EXOC4: variants seen among roughly 807,000 people sequenced by gnomAD.
EXOC4 encodes the protein exocyst complex component 4, also known as SEC8-like 1.
A neutral mutation model predicts 107.2 loss-of-function variants in EXOC4; 71 were observed. The ratio of observed to expected loss-of-function variants is 0.66; its 90% CI spans 0.55 to 0.81. The LOEUF is 0.81. Among genes scored for constraint, EXOC4 ranks in the 30% least tolerant of loss-of-function variants. The probability of loss-of-function intolerance (pLI) is 0.00; values close to 1 mark genes in which losing one functional copy is unlikely to be tolerated. For synonymous variants in EXOC4, 456 were observed against 441.2 expected (o/e 1.03, Z -0.42); for missense variants, 1,108 against 1,189.6 (o/e 0.93, Z 1.01).
intron 9 of EXOC4, chr7:133,480,573 A>T (rs1271629875): frequency 2.5e-6 from 1 of 393,532 alleles, no homozygotes; most frequent in Non-Finnish European, 3.7e-6. Flanking sequence ...GATGCCTCTA[A>T]ATAGTATGTT....
chr7:133,568,817 A>G (rs1302292681), intron 9 of EXOC4, among the ~76,000 whole-genome samples: 1 of 152,174 alleles, frequency 6.6e-6, no homozygotes, highest in Non-Finnish European at 1.5e-5. Flanking sequence ...AAATATTTAT[A>G]CCACACTCAT....
At chr7:133,456,272 A>G (rs1335842060) in intron 7 of EXOC4, among the ~76,000 whole-genome samples, 1 of 152,218 alleles carries the variant, frequency 6.6e-6, no homozygotes, top group African/African-American at 2.4e-5. Flanking sequence ...AGAGGTCACC[A>G]TGTGGCTGGA....
intron 3 of EXOC4, among the ~76,000 whole-genome samples, chr7:133,304,412 G>C (rs548593713): frequency 1.2e-4 from 18 of 152,330 alleles, no homozygotes; most frequent in African/African-American, 3.1e-4. Flanking sequence ...GCAAGTCAGC[G>C]TGAAAATGAA....
chr7:133,908,616 G>A (rs1017141324), intron 12 of EXOC4, among the ~76,000 whole-genome samples: 3 of 152,146 alleles, frequency 2.0e-5, no homozygotes, highest in Non-Finnish European at 4.4e-5. Context: ...CCTATCAAAT[G>A]GAAGTAATAA....
At chr7:133,730,034 G>T (rs1795293581) in intron 10 of EXOC4, among the ~76,000 whole-genome samples, 1 of 151,148 alleles carries the variant, frequency 6.6e-6, no homozygotes, top group Non-Finnish European at 1.5e-5. Context: ...TACTTTTCTT[G>T]GATTTAGGTG....
chr7:133,970,761 G>A (rs1479394845), intron 14 of EXOC4, among the ~76,000 whole-genome samples: 5 of 152,066 alleles, frequency 3.3e-5, no homozygotes, highest in Non-Finnish European at 4.4e-5. Flanking sequence ...GATCTCGCTG[G>A]GAGCTACCAA....
At chr7:133,633,534 CA>C (rs1244628154) in intron 10 of EXOC4, among the ~76,000 whole-genome samples, 1 of 152,102 alleles carries the variant, frequency 6.6e-6, no homozygotes, top group Non-Finnish European at 1.5e-5. Flanking sequence ...GCCTGGCCGA[CA>C]TGGTGAAACC....
At chr7:133,962,693 C>G (rs1308580142) in intron 14 of EXOC4, among the ~76,000 whole-genome samples, 2 of 152,122 alleles carry the variant, frequency 1.3e-5, no homozygotes, top group African/African-American at 4.8e-5. Flanking sequence ...TGAGTGTCAC[C>G]ACATGTGCTT....
chr7:133,454,724 C>G (rs1004466107), intron 7 of EXOC4, among the ~76,000 whole-genome samples: 1 of 152,118 alleles, frequency 6.6e-6, no homozygotes, highest in African/African-American at 2.4e-5. Flanking sequence ...AGTAGTCCTC[C>G]CTTATCCGTG....
chr7:134,073,834 G>A, the EXOC4 span, among the ~76,000 whole-genome samples: 1 of 152,068 alleles, frequency 6.6e-6, no homozygotes, highest in Non-Finnish European at 1.5e-5. Flanking sequence ...GCTGAAGCAG[G>A]TCAGGAGAGC....
At chr7:133,817,660 C>A in intron 11 of EXOC4, 116 bp downstream of exon 11, 27 of 708,366 alleles carry the variant, frequency 3.8e-5, no homozygotes, top group South Asian at 4.3e-5. Context: ...AGGGACAAAA[C>A]AAAAGAAAAT....
Position 133,804,350 on chromosome 7 carries a change from A to G in EXOC4, c.1515-12975A>G, listed in dbSNP as rs533283278. ...AACTGTCTTTGCCTGTCTGTGACTC[A>G]TATCATTAGTGGCTACTTTTTTCTT... is the stretch of plus-strand genomic sequence containing the variant. On this transcript the variant is annotated intron_variant, in intron 10 of 17. Transcript: ENST00000253861. 4.6e-5 allele frequency among the ~76,000 whole-genome samples: 7 copies of G among 152,292 alleles called. No homozygotes were observed. In the South Asian group the frequency reaches 1.2e-3, roughly 27 times the overall value.
chr7:133,507,918 G>C (rs935234695), intron 9 of EXOC4, among the ~76,000 whole-genome samples: 1 of 151,952 alleles, frequency 6.6e-6, no homozygotes, highest in African/African-American at 2.4e-5. Flanking sequence ...AAAATTAACT[G>C]GGCATGGTAG....
chr7:133,996,431 A>G (rs1304744452), intron 14 of EXOC4, among the ~76,000 whole-genome samples: 1 of 152,188 alleles, frequency 6.6e-6, no homozygotes, highest in Non-Finnish European at 1.5e-5. Flanking sequence ...TTGTGAGGAC[A>G]TGGGGATACA....
intron 3 of EXOC4, among the ~76,000 whole-genome samples, chr7:133,299,370 G>T (rs538317501): frequency 6.6e-6 from 1 of 152,064 alleles, no homozygotes; most frequent in Non-Finnish European, 1.5e-5. Context: ...GGCTGATAGG[G>T]TATGTTAGAA....
At position 133,601,922 on chromosome 7, in the gene EXOC4, G is replaced by A. The variant is rs548341805; in HGVS notation, c.1418-28123G>A. On this transcript the variant is annotated intron_variant, in intron 9 of 17. Coordinates refer to ENST00000253861, the MANE Select transcript of EXOC4 (RefSeq NM_021807.4). ...ATGCTCTATCCCAAATTTCTGTTTT[G>A]AAGAAGGCCTCCAGAACATCTCTGG... The A allele has an allele frequency of 6.6e-5, 10 of 152,354 alleles. No homozygotes were observed. The East Asian group carries it at 1.7e-3, about 26-fold the overall frequency. 9.4% of individuals were successfully genotyped at this position (152,354 alleles called of 1,614,324 possible). A position where few individuals can be genotyped will look rare whatever the true frequency, so the allele number is the denominator to read the frequency against.
intron 7 of EXOC4, among the ~76,000 whole-genome samples, chr7:133,418,585 T>C (rs1165969227): frequency 6.6e-6 from 1 of 152,194 alleles, no homozygotes; most frequent in African/African-American, 2.4e-5. Flanking sequence ...GACCACATTC[T>C]TTAAGGGGTG....
intron 6 of EXOC4, among the ~76,000 whole-genome samples, chr7:133,357,679 A>G (rs900885525): frequency 6.6e-6 from 1 of 152,208 alleles, no homozygotes. Flanking sequence ...AAGGAGAAAT[A>G]ATAACTCATT....
chr7:133,257,385 C>G (rs1016000331), intron 1 of EXOC4, among the ~76,000 whole-genome samples: 2 of 151,810 alleles, frequency 1.3e-5, no homozygotes, highest in South Asian at 2.1e-4. Context: ...CACACACACA[C>G]GTGCACACAC....
Sources: allele counts gnomAD v4.1 joint callset (sites outside exome capture counted in the v4.1 genomes callset), GRCh38; gene constraint gnomAD v4.1.1; transcripts MANE v1.5; gene names NCBI Gene and HGNC (gene_info 2026-07-23, HGNC 2026-07-21).